The following TANC2 variants were observed in gnomAD, a reference collection of about 807,000 sequenced individuals.
TANC2 encodes the protein protein TANC2.
Under a neutral mutation model 210.5 loss-of-function variants are expected in TANC2, and 26 were observed. The ratio of observed to expected loss-of-function variants is 0.12; its 90% CI spans 0.09 to 0.17. The LOEUF is 0.17. Ranked by LOEUF, TANC2 falls within the 10% of genes least tolerant of loss-of-function variation. The pLI, the probability that TANC2 is intolerant of heterozygous loss-of-function variation, is 1.00. For synonymous variants in TANC2, 931 were observed against 967.1 expected (o/e 0.96, Z 0.69); for missense variants, 2,129 against 2,608.9 (o/e 0.82, Z 4.01).
chr17:63,116,918 T>C (rs908141178), intron 4 of TANC2: 11 of 152,218 alleles, frequency 7.2e-5, no homozygotes, highest in African/African-American at 2.7e-4. Context: ...GCATTTTTTG[T>C]TGGTGCCTAC....
intron 7 of TANC2, among the ~76,000 whole-genome samples, chr17:63,228,124 A>G (rs762518235): frequency 5.9e-5 from 9 of 151,750 alleles, no homozygotes; most frequent in Non-Finnish European, 1.0e-4. Flanking sequence ...CAGCCTCCCA[A>G]AGTGCTAGGA....
intron 7 of TANC2, among the ~76,000 whole-genome samples, chr17:63,215,798 G>A (rs2042010363): frequency 6.6e-6 from 1 of 151,694 alleles, no homozygotes. Flanking sequence ...TGCCCAGGCT[G>A]GAGTTCAGTG....
chr17:63,262,051 A>G (rs2043373738), intron 8 of TANC2, among the ~76,000 whole-genome samples: 1 of 152,200 alleles, frequency 6.6e-6, no homozygotes, highest in Non-Finnish European at 1.5e-5. Flanking sequence ...CAAAACTTGT[A>G]TTTATAAAAT....
intron 7 of TANC2, among the ~76,000 whole-genome samples, chr17:63,219,983 C>G (rs1381621771): frequency 6.6e-6 from 1 of 151,976 alleles, no homozygotes; most frequent in African/African-American, 2.4e-5. Flanking sequence ...TAAAGGTGGA[C>G]AATGGAACCA....
At chr17:63,285,748 G>A (rs906332563) in intron 9 of TANC2, among the ~76,000 whole-genome samples, 8 of 152,122 alleles carry the variant, frequency 5.3e-5, no homozygotes, top group South Asian at 2.1e-4. Context: ...CCGGGAAAAC[G>A]CATTAGTGAT....
chr17:62,992,073 C>T (rs2032898868), intron 1 of TANC2, among the ~76,000 whole-genome samples: 1 of 152,116 alleles, frequency 6.6e-6, no homozygotes. Context: ...TTATAAGAAT[C>T]TAGAGATGAT....
chr17:62,998,186 A>G (rs1040939799), intron 1 of TANC2, among the ~76,000 whole-genome samples: 5 of 152,254 alleles, frequency 3.3e-5, no homozygotes, highest in Non-Finnish European at 7.3e-5. Context: ...CTAGAAGACC[A>G]GTTCTCTGAA....
At chr17:63,273,015 T>C (rs1375425821) in intron 9 of TANC2, among the ~76,000 whole-genome samples, 1 of 152,150 alleles carries the variant, frequency 6.6e-6, no homozygotes, top group Non-Finnish European at 1.5e-5. Context: ...CGGCTATGGC[T>C]GTCCCTGTAA....
At chr17:63,299,247 C>A (rs1295707100) in intron 9 of TANC2, among the ~76,000 whole-genome samples, 1 of 152,114 alleles carries the variant, frequency 6.6e-6, no homozygotes, top group African/African-American at 2.4e-5. Context: ...GTGCATGTGT[C>A]TTTATAGTAA....
intron 8 of TANC2, among the ~76,000 whole-genome samples, chr17:63,266,793 C>A (rs2043542809): frequency 6.6e-6 from 1 of 152,104 alleles, no homozygotes; most frequent in East Asian, 1.9e-4. Context: ...CTCTCACCAA[C>A]TCAAACCAGT....
chr17:63,061,609 A>G (rs556346797), intron 2 of TANC2, among the ~76,000 whole-genome samples: 2 of 152,154 alleles, frequency 1.3e-5, no homozygotes, highest in Non-Finnish European at 2.9e-5. Flanking sequence ...ACATAAATAC[A>G]TATATAACTA....
intron 6 of TANC2, chr17:63,197,890 T>A (rs2041398080): frequency 1.3e-5 from 2 of 152,244 alleles, no homozygotes; most frequent in Non-Finnish European, 2.9e-5. Flanking sequence ...TCTCCTTAAG[T>A]AAATATGAGG....
At chr17:63,270,840 C>G (rs2043678613) in intron 9 of TANC2, among the ~76,000 whole-genome samples, 1 of 152,096 alleles carries the variant, frequency 6.6e-6, no homozygotes, top group Non-Finnish European at 1.5e-5. Flanking sequence ...CCAGTAGGCC[C>G]CAGTGTTTGT....
chr17:63,327,868 C>T (rs1009282576), intron 11 of TANC2, among the ~76,000 whole-genome samples: 1 of 152,080 alleles, frequency 6.6e-6, no homozygotes, highest in African/African-American at 2.4e-5. Context: ...TGGTGTGCTG[C>T]ACCCATTAAC....
Position 63,238,086 on chromosome 17 carries a change from T to C in TANC2, c.1033+9T>C. ...GCCAAATTCAGTAGCAGGTAAGTTT[T>C]TGTTGTTGTTGTTGTTGTTGCTGTT... On this transcript the variant is annotated intron_variant, in intron 8 of 27. Coordinates refer to ENST00000689528, the Ensembl canonical transcript of TANC2. 16 of 1,491,510 alleles carry C rather than the reference T, an allele frequency of 1.1e-5. No individual in the cohort carries two copies. Among genetic ancestry groups the C allele is most frequent in the Non-Finnish European group, 1.4e-5 (16 of 1,119,818 alleles). The allele number at this position is 1,491,510 out of a possible 1,614,324, so 92.4% of individuals were successfully genotyped here.
intron 1 of TANC2, among the ~76,000 whole-genome samples, chr17:62,988,554 C>G (rs2032695247): frequency 6.6e-6 from 1 of 151,976 alleles, no homozygotes. Flanking sequence ...GGCATTCATG[C>G]AAGAATGGTG....
chr17:63,224,452 G>A (rs924144887), intron 7 of TANC2, among the ~76,000 whole-genome samples: 14 of 152,048 alleles, frequency 9.2e-5, no homozygotes, highest in African/African-American at 2.9e-4. Flanking sequence ...AGGTTTCACC[G>A]TGTTGGCCAC....
intron 2 of TANC2, among the ~76,000 whole-genome samples, chr17:63,034,814 A>G (rs2034907808): frequency 6.6e-6 from 1 of 152,206 alleles, no homozygotes; most frequent in Non-Finnish European, 1.5e-5. Flanking sequence ...ATCTCATGAT[A>G]AAACTTGAAT....
At chr17:63,001,217 GCCTAGA>G (rs1316512958) in intron 1 of TANC2, among the ~76,000 whole-genome samples, 6 of 152,106 alleles carry the variant, frequency 3.9e-5, no homozygotes, top group Non-Finnish European at 8.8e-5. Context: ...TTCTAAGTAA[GCCTAGA>G]ATATTCTTGG....
Sources: gnomAD v4.1 joint callset for allele counts (sites outside exome capture counted in the v4.1 genomes callset) on GRCh38, gnomAD v4.1.1 for gene constraint, MANE v1.5 for transcripts, NCBI Gene and HGNC (gene_info 2026-07-23, HGNC 2026-07-21) for gene names.